VAC14: variants seen among roughly 807,000 people sequenced by gnomAD.
VAC14 encodes the protein protein VAC14 homolog.
A neutral mutation model predicts 85.3 loss-of-function variants in VAC14; 47 were observed. The ratio of observed to expected loss-of-function variants is 0.55; its 90% CI spans 0.44 to 0.70. VAC14 has a LOEUF of 0.70. Among genes scored for constraint, VAC14 ranks in the 30% least tolerant of loss-of-function variants. The probability of loss-of-function intolerance (pLI) is 0.00; values close to 1 mark genes in which losing one functional copy is unlikely to be tolerated. For synonymous variants in VAC14, 447 were observed against 430.5 expected, an observed-to-expected ratio of 1.04 and a Z score of -0.47; for missense variants, 861 against 1,004.3, an observed-to-expected ratio of 0.86 and a Z score of 1.93.
At chr16:70,784,457 C>T (rs980086640) in intron 4 of VAC14, among the ~76,000 whole-genome samples, 7 of 152,124 alleles carry the variant, frequency 4.6e-5, no homozygotes, top group Admixed American at 4.6e-4. Flanking sequence ...AATGGCAAGA[C>T]CCTACTCTCT....
intron 14 of VAC14, among the ~76,000 whole-genome samples, chr16:70,711,056 C>G (rs2054022944): frequency 6.6e-6 from 1 of 152,256 alleles, no homozygotes; most frequent in Admixed American, 6.5e-5. Flanking sequence ...CCGCCAGCCC[C>G]TGTCCCATCA....
intron 1 of VAC14, among the ~76,000 whole-genome samples, chr16:70,790,193 C>G (rs1053470703): frequency 2.6e-5 from 4 of 152,170 alleles, no homozygotes; most frequent in African/African-American, 9.7e-5. Context: ...AGAGAACGAC[C>G]CGTGTCTGCC....
At position 70,727,303 on chromosome 16, in the gene VAC14, C is replaced by T. The variant is rs140884276; in HGVS notation, c.1661+4192G>A. 5.7e-3 allele frequency among the ~76,000 whole-genome samples: 870 copies of T among 152,328 alleles called. 4 individuals carry two copies. Among genetic ancestry groups the T allele is most frequent in the Non-Finnish European group, 1.0e-2 (677 of 68,030 alleles). ...GCCTGTGGCTTCATGCCAGCATCTGCGGAACCATCGCGATGCCTCTCTTTA... is the reference window on the plus strand; with the variant it reads ...GCCTGTGGCTTCATGCCAGCATCTGTGGAACCATCGCGATGCCTCTCTTTA... On this transcript the variant is annotated intron_variant, in intron 14 of 18. Coordinates refer to ENST00000261776, the MANE Select transcript of VAC14 (RefSeq NM_018052.5).
chr16:70,731,425 CT>C, intron 14 of VAC14, 69 bp downstream of exon 14: 1 of 1,569,178 alleles, frequency 6.4e-7, no homozygotes, highest in Non-Finnish European at 8.6e-7. Context: ...TGCTTTGACA[CT>C]TGAATGGCGT....
At position 70,698,788 on chromosome 16, in the gene VAC14, G is replaced by A. The variant is rs1205578053; in HGVS notation, c.1685C>T (p.Ala562Val). The stretch of plus-strand genomic sequence containing the variant: ...TGCCATTGAGTGGAAGATGTTCTCC[G>A]CATTCAGCAGGAGGCACAGCTGCCT... The part of the protein sequence containing the change: ...IIRQLCLLLN[A>V]ENIFHSMADI... Residue 562 changes from alanine to valine, a missense_variant, in exon 15 of 19, where the codon GCG (alanine) becomes GTG (valine). By Grantham distance (64) the Ala-to-Val change is moderately conservative. This residue lies in a region of VAC14 where 69 missense variants were observed against 139.0 expected (regional missense o/e 0.50). Coordinates refer to ENST00000261776, the MANE Select transcript of VAC14 (RefSeq NM_018052.5). 3 of 1,614,002 alleles carry A rather than the reference G, an allele frequency of 1.9e-6. No homozygotes were observed. Among genetic ancestry groups the A allele is most frequent in the Non-Finnish European group, 2.5e-6 (3 of 1,180,000 alleles).
intron 13 of VAC14, among the ~76,000 whole-genome samples, chr16:70,743,161 C>T (rs373467960): frequency 2.6e-5 from 4 of 152,050 alleles, no homozygotes; most frequent in South Asian, 2.1e-4. Flanking sequence ...TCTGTAAAAA[C>T]GCACCAATCA....
chr16:70,786,528 T>C (rs768444815), intron 1 of VAC14, 163 bp from the exon 2 acceptor site: 40 of 853,484 alleles, frequency 4.7e-5, no homozygotes, highest in Admixed American at 1.2e-4. Flanking sequence ...TGAGTCATCG[T>C]TGTTTCCCTA....
intron 5 of VAC14, 43 bp from the exon 6 acceptor site, chr16:70,783,597 C>G: frequency 6.3e-7 from 1 of 1,592,688 alleles, no homozygotes. Context: ...AGCTCCAGAA[C>G]CCTGTTTCCT....
intron 14 of VAC14, among the ~76,000 whole-genome samples, chr16:70,701,163 G>A (rs995660709): frequency 6.6e-6 from 1 of 152,268 alleles, no homozygotes; most frequent in Middle Eastern, 3.4e-3. Flanking sequence ...CCCAGGGCTG[G>A]GGTAGCCCTT....
chr16:70,720,912 C>T (rs759425124), intron 14 of VAC14, among the ~76,000 whole-genome samples: 4 of 151,908 alleles, frequency 2.6e-5, no homozygotes, highest in Non-Finnish European at 4.4e-5. Flanking sequence ...AAGTGAGAGA[C>T]GGGGCTCAAA....
chr16:70,718,239 G>A (rs1336563775), intron 14 of VAC14, among the ~76,000 whole-genome samples: 1 of 152,218 alleles, frequency 6.6e-6, no homozygotes, highest in Non-Finnish European at 1.5e-5. Context: ...GGATTAGGAG[G>A]AGATAGTGAT....
chr16:70,692,124 T>C (rs1434781261), intron 18 of VAC14: 1 of 977,626 alleles, frequency 1.0e-6, no homozygotes, highest in African/African-American at 1.8e-5. Flanking sequence ...TTACCAAATA[T>C]AGATGCAGCC....
chr16:70,720,981 C>G (rs1401355633), intron 14 of VAC14, among the ~76,000 whole-genome samples: 2 of 152,260 alleles, frequency 1.3e-5, no homozygotes, highest in Non-Finnish European at 2.9e-5. Context: ...TGAATCATCT[C>G]AGCTTGGCTT....
At chr16:70,748,040 C>G (rs1488743320) in intron 12 of VAC14, 1 of 152,190 alleles carries the variant, frequency 6.6e-6, no homozygotes, top group East Asian at 1.9e-4. Flanking sequence ...TGTCACCAGT[C>G]TCACCTCACA....
chr16:70,799,502 G>C (rs8063716), intron 1 of VAC14, among the ~76,000 whole-genome samples: 2 of 151,974 alleles, frequency 1.3e-5, no homozygotes, highest in African/African-American at 4.8e-5. Flanking sequence ...CATTTGATTT[G>C]GATTGCAAGC....
intron 10 of VAC14, chr16:70,766,598 C>A: frequency 2.2e-6 from 1 of 453,854 alleles, no homozygotes; most frequent in Non-Finnish European, 4.4e-6. Context: ...AGCCCAGGTC[C>A]AGAGGCAGTA....
At chr16:70,706,355 G>C (rs2053920120) in intron 14 of VAC14, among the ~76,000 whole-genome samples, 1 of 152,226 alleles carries the variant, frequency 6.6e-6, no homozygotes, top group Admixed American at 6.5e-5. Flanking sequence ...CTTAGGACTG[G>C]GCAAACCAGC....
chr16:70,697,660 C>T (rs997562287), intron 15 of VAC14, among the ~76,000 whole-genome samples: 1 of 152,192 alleles, frequency 6.6e-6, no homozygotes, highest in Non-Finnish European at 1.5e-5. Context: ...ACTTAAATGC[C>T]ATCTCCTCCC....
chr16:70,785,847 T>A lies in VAC14; in HGVS notation c.278A>T (p.Glu93Val). Residue 93 changes from glutamate (E) to valine (V), a missense_variant, in exon 3 of 19, where the codon GAG becomes GTG. Physicochemically the swap from Glu to Val is moderately radical, Grantham distance 121. Transcript: ENST00000261776. ...GCAGGTCAGCACTGGCTCGATCAGCTCCTTCAGGTAGAGCCCTGAGTCCTG... is the reference window on the plus strand; with the variant it reads ...GCAGGTCAGCACTGGCTCGATCAGCACCTTCAGGTAGAGCCCTGAGTCCTG... Reference protein sequence around the residue: ...LGKDSGLYLKELIEPVLTCFN... With the variant: ...LGKDSGLYLKVLIEPVLTCFN... 4 of 1,604,858 alleles carry A rather than the reference T, an allele frequency of 2.5e-6. No individual in the cohort carries two copies. Among genetic ancestry groups the A allele is most frequent in the Non-Finnish European group, 3.4e-6 (4 of 1,175,416 alleles).
Sources: gnomAD v4.1 joint callset for allele counts (sites outside exome capture counted in the v4.1 genomes callset) on GRCh38, gnomAD v4.1.1 for gene constraint, gnomAD v4.1.1 regional missense constraint, MANE v1.5 for transcripts, NCBI Gene and HGNC (gene_info 2026-07-23, HGNC 2026-07-21) for gene names.